The following PPP2R5E variants were observed in gnomAD, a reference collection of about 807,000 sequenced individuals.
The protein encoded by PPP2R5E is serine/threonine-protein phosphatase 2A 56 kDa regulatory subunit epsilon isoform.
PPP2R5E carries 4 observed loss-of-function variants against 65.3 expected under a neutral mutation model. That is an observed-to-expected ratio of 0.06 (90% CI 0.03 to 0.14). The LOEUF (loss-of-function observed/expected upper bound fraction) is 0.14. Ranked by LOEUF, PPP2R5E falls within the 10% of genes least tolerant of loss-of-function variation. The pLI is 1.00. For synonymous variants in PPP2R5E, 183 were observed against 187.4 expected (o/e 0.98, Z 0.19); for missense variants, 274 against 556.1 (o/e 0.49, Z 5.10).
At chr14:63,412,745 A>G (rs1206585640) in intron 5 of PPP2R5E, among the ~76,000 whole-genome samples, 3 of 152,156 alleles carry the variant, frequency 2.0e-5, no homozygotes, top group Admixed American at 1.3e-4. Context: ...AAGTCTGGGG[A>G]TAACTGAATG....
At chr14:63,533,806 G>T (rs920796220) in intron 2 of PPP2R5E, among the ~76,000 whole-genome samples, 4 of 152,058 alleles carry the variant, frequency 2.6e-5, no homozygotes, top group Admixed American at 6.6e-5. Flanking sequence ...TCAGCCGGAT[G>T]TGGTGGCAGA....
At chr14:63,514,628 T>C (rs540250686) in intron 2 of PPP2R5E, among the ~76,000 whole-genome samples, 1 of 152,288 alleles carries the variant, frequency 6.6e-6, no homozygotes, top group South Asian at 2.1e-4. Context: ...AAAGAATTCC[T>C]TTCCTGCCTG....
chr14:63,397,502 T>TA (rs1163450765), intron 5 of PPP2R5E, among the ~76,000 whole-genome samples: 3,453 of 62,224 alleles, frequency 0.055, 247 homozygotes, highest in Middle Eastern at 0.081. Flanking sequence ...ATTCGGTCTT[T>TA]AAAAAAAAAA....
chr14:63,407,846 A>G (rs929478577), intron 5 of PPP2R5E, among the ~76,000 whole-genome samples: 3 of 152,180 alleles, frequency 2.0e-5, no homozygotes, highest in Admixed American at 1.3e-4. Context: ...ACTCTCTCTC[A>G]TCCTTCTGCC....
At position 63,539,639 on chromosome 14, in the gene PPP2R5E, C is replaced by T. The variant is rs1893807809; in HGVS notation, c.47G>A (p.Gly16Glu). ...TTPPSVDKVD[G>E]FSRKSVRKAR... is the part of the protein sequence containing the mutation. ...TTTTCTGACGGACTTCCGAGAAAAT[C>T]CGTCTACTTTATCCACTGATGGAGG... Residue 16 changes from glycine to glutamate, a missense_variant, in exon 2 of 14, where the codon GGA becomes GAA. Physicochemically the swap from Gly to Glu is moderately conservative, Grantham distance 98. Transcript: ENST00000337537. 2.5e-6 allele frequency: 4 copies of T among 1,613,922 alleles called. No homozygotes were observed. The highest frequency in any genetic ancestry group is 3.4e-6 in the Non-Finnish European group (4 of 1,179,978).
At chr14:63,531,828 C>T (rs918204242) in intron 2 of PPP2R5E, among the ~76,000 whole-genome samples, 7 of 152,038 alleles carry the variant, frequency 4.6e-5, no homozygotes, top group Non-Finnish European at 1.0e-4. Flanking sequence ...TGGCGCACAC[C>T]TGTAATCCCA....
At chr14:63,511,923 C>G (rs1892469366) in intron 2 of PPP2R5E, among the ~76,000 whole-genome samples, 1 of 151,510 alleles carries the variant, frequency 6.6e-6, no homozygotes, top group Non-Finnish European at 1.5e-5. Context: ...TACTAAGATA[C>G]AAAAAATTAG....
intron 2 of PPP2R5E, among the ~76,000 whole-genome samples, chr14:63,538,891 ACCAG>A (rs1566770384): frequency 6.6e-6 from 1 of 151,940 alleles, no homozygotes; most frequent in Non-Finnish European, 1.5e-5. Flanking sequence ...GTTGCTGTGA[ACCAG>A]CCTGAGCAAC....
At chr14:63,376,133 T>C (rs765077258) in intron 13 of PPP2R5E, 25 bp from the exon 14 acceptor site, 2 of 1,477,470 alleles carry the variant, frequency 1.4e-6, no homozygotes, top group Middle Eastern at 1.7e-4. Flanking sequence ...GAATACAATG[T>C]AAACAGCTGA....
intron 3 of PPP2R5E, among the ~76,000 whole-genome samples, chr14:63,446,419 T>G (rs1888478015): frequency 6.6e-6 from 1 of 152,176 alleles, no homozygotes; most frequent in African/African-American, 2.4e-5. Context: ...ATCAGAGGAA[T>G]TACTATCTAT....
intron 5 of PPP2R5E, among the ~76,000 whole-genome samples, chr14:63,397,420 T>C (rs1885461366): frequency 6.9e-6 from 1 of 144,410 alleles, no homozygotes; most frequent in African/African-American, 2.6e-5. Flanking sequence ...GAGAATCACC[T>C]GAACCCAGGA....
rs371017206 is a variant in PPP2R5E at position 63,396,739 on chromosome 14, T to C, written c.550-23A>G. On this transcript the variant is annotated intron_variant, in intron 5 of 13. Coordinates refer to ENST00000337537, the MANE Select transcript of PPP2R5E (RefSeq NM_006246.5). ...AAGCTGTTGTAAATGAAAGACATTA[T>C]AGCTGTCAAAGGCGGTTTCAGAAAA... 1.5e-5 allele frequency: 24 copies of C among 1,609,018 alleles called. No homozygotes were observed. The African/African-American group carries it at 2.8e-4, about 19-fold the overall frequency.
At chr14:63,381,589 A>G (rs1884361107) in intron 13 of PPP2R5E, among the ~76,000 whole-genome samples, 1 of 152,376 alleles carries the variant, frequency 6.6e-6, no homozygotes, top group East Asian at 1.9e-4. Flanking sequence ...ACAGTAATAA[A>G]TAAATAAAGA....
intron 13 of PPP2R5E, among the ~76,000 whole-genome samples, chr14:63,379,359 C>G (rs915290423): frequency 6.6e-6 from 1 of 152,208 alleles, no homozygotes; most frequent in African/African-American, 2.4e-5. Flanking sequence ...GCAACCTCCC[C>G]TTCCCGGGTT....
At chr14:63,515,373 C>G (rs563928295) in intron 2 of PPP2R5E, among the ~76,000 whole-genome samples, 1 of 152,168 alleles carries the variant, frequency 6.6e-6, no homozygotes, top group Non-Finnish European at 1.5e-5. Context: ...TCTACCAAGT[C>G]AAGAAGATAA....
rs954359159 is a variant in PPP2R5E at position 63,530,630 on chromosome 14, CTTTTTTTTTTTTTTT to C, written c.157+8884_157+8898del. Reference sequence around the variant, plus strand: ...TATCAGGTACACTGACTCTCAATTTCTTTTTTTTTTTTTTTTTTTTTTTTTGAGACACTCTCACTC... The same window carrying C: ...TATCAGGTACACTGACTCTCAATTTCTTTTTTTTTTGAGACACTCTCACTC... On this transcript the variant is annotated intron_variant, in intron 2 of 13. Transcript: ENST00000337537. Among the ~76,000 whole-genome samples, 6 of 81,292 alleles carry C rather than the reference CTTTTTTTTTTTTTTT, an allele frequency of 7.4e-5. No homozygotes were observed. In the South Asian group the frequency reaches 2.7e-3, roughly 37 times the overall value. The allele number at this position is 81,292 out of a possible 152,430, so 53.3% of individuals were successfully genotyped here. A position where few individuals can be genotyped will look rare whatever the true frequency, so the allele number is the denominator to read the frequency against.
At chr14:63,381,294 T>C (rs934769112) in intron 13 of PPP2R5E, among the ~76,000 whole-genome samples, 1 of 152,194 alleles carries the variant, frequency 6.6e-6, no homozygotes, top group African/African-American at 2.4e-5. Flanking sequence ...TTGTAATAAA[T>C]TTGTTGGGTT....
chr14:63,509,149 T>C lies in PPP2R5E; in HGVS notation c.157+30380A>G, dbSNP rs1259714085. ...ATCCTTCACTTCTTCTCTAGGCCTG[T>C]GTAGACTGCAAATATTTCCATTACA... On this transcript the variant is annotated intron_variant, in intron 2 of 13. Transcript: ENST00000337537. Among the ~76,000 whole-genome samples the C allele has an allele frequency of 2.6e-5, 4 of 152,106 alleles. No individual in the cohort carries two copies. The East Asian group carries it at 5.8e-4, about 22-fold the overall frequency.
chr14:63,519,730 C>T (rs1203579738), intron 2 of PPP2R5E, among the ~76,000 whole-genome samples: 5 of 151,212 alleles, frequency 3.3e-5, no homozygotes, highest in African/African-American at 1.2e-4. Flanking sequence ...GGCGCAATCT[C>T]GGCTTACTGC....
Sources: gnomAD v4.1 joint callset for allele counts (sites outside exome capture counted in the v4.1 genomes callset) on GRCh38, gnomAD v4.1.1 for gene constraint, MANE v1.5 for transcripts, NCBI Gene and HGNC (gene_info 2026-07-23, HGNC 2026-07-21) for gene names.